NOSTRIN: variants seen among roughly 807,000 people sequenced by gnomAD.
NOSTRIN encodes the protein BM247 homolog.
In NOSTRIN, 63 loss-of-function variants were observed where a neutral mutation model predicts 59.0. The observed-to-expected ratio is 1.07, with a 90% CI of 0.87 to 1.32. NOSTRIN has a LOEUF of 1.32. Among genes scored for constraint, NOSTRIN ranks in the 40% most tolerant of loss-of-function variants. The pLI is 0.00. For synonymous variants in NOSTRIN, 200 were observed against 165.4 expected (o/e 1.21, Z -1.61); for missense variants, 512 against 473.1 (o/e 1.08, Z -0.76).
intron 2 of NOSTRIN, among the ~76,000 whole-genome samples, chr2:168,788,936 T>TAGATAGAA: frequency 6.9e-6 from 1 of 145,542 alleles, no homozygotes; most frequent in East Asian, 2.1e-4. Context: ...GATAGATAGA[T>TAGATAGAA]GATAGATATT....
chr2:168,836,163 T>C (rs1687708036), intron 7 of NOSTRIN, among the ~76,000 whole-genome samples: 2 of 152,218 alleles, frequency 1.3e-5, no homozygotes, highest in Admixed American at 1.3e-4. Flanking sequence ...GAAATGATCA[T>C]AACAAGTATT....
chr2:168,864,564 C>T lies in NOSTRIN; in HGVS notation c.1385-270C>T, dbSNP rs143356535. ...CCTCCCAAAGTGCTGGGATTACAGG[C>T]GTCACCCACCACGCCCAGCCAATCC... On this transcript the variant is annotated intron_variant, in intron 15 of 15. Coordinates refer to ENST00000317647, the MANE Select transcript of NOSTRIN (RefSeq NM_001039724.4). 2.3e-3 allele frequency among the ~76,000 whole-genome samples: 351 copies of T among 152,304 alleles called. 1 individual carries two copies. Among genetic ancestry groups the T allele is most frequent in the African/African-American group, 7.9e-3 (329 of 41,562 alleles).
intron 7 of NOSTRIN, among the ~76,000 whole-genome samples, chr2:168,838,075 T>C (rs1489860122): frequency 3.3e-5 from 5 of 152,220 alleles, no homozygotes; most frequent in African/African-American, 9.6e-5. Context: ...AATAAGTATA[T>C]TCTCAAGGAT....
intron 12 of NOSTRIN, among the ~76,000 whole-genome samples, chr2:168,858,624 T>C (rs549210713): frequency 6.6e-6 from 1 of 152,172 alleles, no homozygotes; most frequent in Non-Finnish European, 1.5e-5. Flanking sequence ...GGTCTAATGG[T>C]AGAAAGCATG....
At chr2:168,818,646 CT>C (rs1222401638) in intron 2 of NOSTRIN, among the ~76,000 whole-genome samples, 4 of 152,124 alleles carry the variant, frequency 2.6e-5, no homozygotes, top group Middle Eastern at 3.2e-3. Flanking sequence ...TTCCATCTCT[CT>C]TTTCTTTCAA....
chr2:168,836,665 C>T (rs1687739350), intron 7 of NOSTRIN, among the ~76,000 whole-genome samples: 1 of 152,166 alleles, frequency 6.6e-6, no homozygotes, highest in African/African-American at 2.4e-5. Flanking sequence ...ACACTCCTGG[C>T]ACAGTATCTT....
chr2:168,848,335 C>T (rs1688550304), intron 8 of NOSTRIN, among the ~76,000 whole-genome samples: 6 of 152,208 alleles, frequency 3.9e-5, no homozygotes, highest in Admixed American at 3.9e-4. Context: ...CAGGGGACTG[C>T]CAGCGTAAAC....
intron 2 of NOSTRIN, among the ~76,000 whole-genome samples, chr2:168,822,075 G>A (rs1280857711): frequency 2.0e-5 from 3 of 152,176 alleles, no homozygotes; most frequent in Non-Finnish European, 4.4e-5. Context: ...AAGGGTGATG[G>A]TCTCTCCCAG....
At chr2:168,796,129 G>A (rs1685471476), upstream of NOSTRIN, among the ~76,000 whole-genome samples, 1 of 152,224 alleles carries the variant, frequency 6.6e-6, no homozygotes, top group African/African-American at 2.4e-5. Context: ...GGTGATTGGT[G>A]GAAGTGATGT....
intron 12 of NOSTRIN, among the ~76,000 whole-genome samples, chr2:168,858,391 G>A (rs1486357038): frequency 1.3e-5 from 2 of 152,180 alleles, no homozygotes; most frequent in Admixed American, 6.5e-5. Flanking sequence ...TGTCACCCAC[G>A]GAAGGTTTCT....
chr2:168,789,307 G>A (rs1162706208), intron 2 of NOSTRIN, among the ~76,000 whole-genome samples: 4 of 152,200 alleles, frequency 2.6e-5, no homozygotes, highest in South Asian at 2.1e-4. Context: ...AATGTATAAA[G>A]GAAAGAGGTT....
intron 11 of NOSTRIN, chr2:168,856,241 T>C (rs1012566387): frequency 9.2e-6 from 2 of 216,398 alleles, no homozygotes; most frequent in Non-Finnish European, 9.3e-6. Context: ...TCAGTCAAAT[T>C]TATTAAGAAC....
intron 2 of NOSTRIN, chr2:168,812,176 C>A (rs1012561134): frequency 6.6e-6 from 1 of 152,152 alleles, no homozygotes; most frequent in African/African-American, 2.4e-5. Context: ...GAAATGAGCA[C>A]ATTTAACTCA....
At chr2:168,799,913 A>G (rs922586086), upstream of NOSTRIN, among the ~76,000 whole-genome samples, 1 of 152,240 alleles carries the variant, frequency 6.6e-6, no homozygotes, top group Non-Finnish European at 1.5e-5. Flanking sequence ...GCAATGGGAC[A>G]CTAAGTTCCT....
At chr2:168,806,115 G>A (rs896853902) in intron 1 of NOSTRIN, among the ~76,000 whole-genome samples, 24 of 152,048 alleles carry the variant, frequency 1.6e-4, no homozygotes, top group African/African-American at 5.6e-4. Flanking sequence ...TTCAGAGAGG[G>A]GCAGTGCTTT....
At chr2:168,814,298 A>G (rs955432122) in intron 2 of NOSTRIN, among the ~76,000 whole-genome samples, 1 of 152,212 alleles carries the variant, frequency 6.6e-6, no homozygotes, top group East Asian at 1.9e-4. Flanking sequence ...GTTAAACCAT[A>G]TCAACAAGGA....
At chr2:168,861,516 G>C (rs1689449719) in intron 14 of NOSTRIN, among the ~76,000 whole-genome samples, 1 of 151,624 alleles carries the variant, frequency 6.6e-6, no homozygotes, top group African/African-American at 2.4e-5. Flanking sequence ...AGTAAAACCA[G>C]GACATTATGG....
intron 8 of NOSTRIN, among the ~76,000 whole-genome samples, chr2:168,844,603 C>T (rs777443853): frequency 7.2e-5 from 11 of 152,024 alleles, no homozygotes; most frequent in Non-Finnish European, 1.3e-4. Flanking sequence ...TCAGCCTGGG[C>T]GGCACGCCTG....
chr2:168,850,596 ATTTTTTT>A (rs546749506), intron 8 of NOSTRIN, among the ~76,000 whole-genome samples: 14 of 139,256 alleles, frequency 1.0e-4, no homozygotes, highest in Admixed American at 2.9e-4. Flanking sequence ...ATTCTTCCCA[ATTTTTTT>A]TTTTTTTTTT....
Sources: allele counts gnomAD v4.1 joint callset (sites outside exome capture counted in the v4.1 genomes callset), GRCh38; gene constraint gnomAD v4.1.1; transcripts MANE v1.5; gene names NCBI Gene and HGNC (gene_info 2026-07-23, HGNC 2026-07-21).